PNISR: variants seen among roughly 807,000 people sequenced by gnomAD.
PNISR encodes PNN interacting serine and arginine rich protein.
A neutral mutation model predicts 93.4 loss-of-function variants in PNISR; 20 were observed. The ratio of observed to expected loss-of-function variants is 0.21; its 90% CI spans 0.15 to 0.31. PNISR has a LOEUF of 0.31. Among genes scored for constraint, PNISR ranks in the 10% least tolerant of loss-of-function variants. The pLI is 1.00. For missense variants in PNISR, 893 were observed against 985.4 expected (o/e 0.91, Z 1.25); for synonymous variants, 305 against 306.5 (o/e 0.99, Z 0.05).
Position 99,399,733 on chromosome 6 carries a change from T to G in PNISR, c.*807A>C, listed in dbSNP as rs1012505436. 1.3e-5 allele frequency: 2 copies of G among 152,160 alleles called. No individual in the cohort carries two copies. The highest frequency in any genetic ancestry group is 4.8e-5 in the African/African-American group (2 of 41,448). 9.4% of individuals were successfully genotyped at this position (152,160 alleles called of 1,614,324 possible). On this transcript the variant is annotated 3_prime_UTR_variant, in exon 12 of 12. Coordinates refer to ENST00000369239, the MANE Select transcript of PNISR (RefSeq NM_032870.4). ...AAAGTTTAGAAAGTTGTCAAATACT[T>G]CCAAATGAAAAGTAAAGGTCTATTT...
chr6:99,423,879 G>A (rs1012798372), intron 1 of PNISR, among the ~76,000 whole-genome samples: 101 of 152,178 alleles, frequency 6.6e-4, no homozygotes, highest in African/African-American at 2.3e-3. Flanking sequence ...TCCTTGGCTT[G>A]TGGATGGTTG....
chr6:99,404,758 A>G, intron 8 of PNISR, 56 bp from the exon 9 acceptor site: 1 of 857,654 alleles, frequency 1.2e-6, no homozygotes, highest in Non-Finnish European at 1.9e-6. Flanking sequence ...TAATAGTGTG[A>G]CATCTTCAAA....
At chr6:99,403,038 A>G (rs1014519110) in intron 10 of PNISR, 1 of 178,702 alleles carries the variant, frequency 5.6e-6, no homozygotes, top group African/African-American at 2.3e-5. Context: ...CTTAATGATG[A>G]CCCTGAAAGT....
At chr6:99,414,419 C>T (rs1346794976) in intron 3 of PNISR, among the ~76,000 whole-genome samples, 153 bp downstream of exon 3, 1 of 152,192 alleles carries the variant, frequency 6.6e-6, no homozygotes, top group Non-Finnish European at 1.5e-5. Context: ...GCTATATATG[C>T]TATGGCAAGG....
rs1247236084 is a variant in PNISR, at chr6:99,399,344, A to T, written c.*1196T>A. On this transcript the variant is annotated 3_prime_UTR_variant, in exon 12 of 12. Coordinates refer to ENST00000369239, the MANE Select transcript of PNISR (RefSeq NM_032870.4). ...AACTGTTAGACCACTCACTAATCAT[A>T]ATTTTAAGAAACGGACAAAATCAGA... is the stretch of plus-strand genomic sequence containing the variant. The T allele has an allele frequency of 6.6e-6, 1 of 152,144 alleles. No homozygotes were observed. The highest frequency in any genetic ancestry group is 1.5e-5 in the Non-Finnish European group (1 of 67,988). The allele number at this position is 152,144 out of a possible 1,614,324, so 9.4% of individuals were successfully genotyped here. A position where few individuals can be genotyped will look rare whatever the true frequency, so the allele number is the denominator to read the frequency against.
At chr6:99,407,966 G>A (rs938099616) in intron 7 of PNISR, 115 bp downstream of exon 7, 34 of 704,786 alleles carry the variant, frequency 4.8e-5, no homozygotes, top group Middle Eastern at 3.7e-4. Flanking sequence ...CTTAATGAAC[G>A]TAATCTTAGG....
intron 1 of PNISR, among the ~76,000 whole-genome samples, chr6:99,424,420 A>C (rs987000103): frequency 6.6e-6 from 1 of 152,074 alleles, no homozygotes; most frequent in Non-Finnish European, 1.5e-5. Flanking sequence ...TTAAAAAAAA[A>C]AACTCTCAAG....
At chr6:99,412,299 T>A in intron 4 of PNISR, 1 of 611,412 alleles carries the variant, frequency 1.6e-6, no homozygotes, top group South Asian at 1.5e-5. Context: ...GTTTCCAGAG[T>A]GTTCCCAGCC....
At position 99,420,297 on chromosome 6, in the gene PNISR, C is replaced by T. The variant is rs183414618; in HGVS notation, c.-111-3869G>A. 1.7e-3 allele frequency among the ~76,000 whole-genome samples: 261 copies of T among 152,206 alleles called. 1 individual carries two copies. The highest frequency in any genetic ancestry group is 6.0e-3 in the African/African-American group (251 of 41,512). The stretch of plus-strand genomic sequence containing the variant: ...TTAGAGTAAATTTTGATAATCTTAT[C>T]CAAAACAGGTAACTCTGGTCATGAA... On this transcript the variant is annotated intron_variant, in intron 1 of 11. Coordinates refer to ENST00000369239, the MANE Select transcript of PNISR (RefSeq NM_032870.4).
At chr6:99,405,211 T>C (rs1308011510) in intron 8 of PNISR, among the ~76,000 whole-genome samples, 1 of 151,802 alleles carries the variant, frequency 6.6e-6, no homozygotes, top group Non-Finnish European at 1.5e-5. Context: ...ACACCTGTAA[T>C]CCCAGCACTT....
At position 99,401,579 on chromosome 6, in the gene PNISR, T is replaced by A; in HGVS notation, c.1379A>T (p.His460Leu). 2 of 1,579,128 alleles carry A rather than the reference T, an allele frequency of 1.3e-6. No individual in the cohort carries two copies. The highest frequency in any genetic ancestry group is 1.7e-6 in the Non-Finnish European group (2 of 1,169,618). The change falls in exon 12 of 12, where the codon CAT becomes CTT. Residue 460 changes from histidine to leucine, a missense_variant. This residue lies in a region of PNISR where 866 missense variants were observed against 935.1 expected (regional missense o/e 0.93). Coordinates refer to ENST00000369239, the MANE Select transcript of PNISR (RefSeq NM_032870.4). Reference sequence around the variant, plus strand: ...TAGTGATAAACTATTTTGCTCTTTATGGATAAATTCATTCATCTCTTTTGT... The same window carrying A: ...TAGTGATAAACTATTTTGCTCTTTAAGGATAAATTCATTCATCTCTTTTGT... Reference protein sequence around the residue: ...RVTKEMNEFIHKEQNSLSLLE... With the variant: ...RVTKEMNEFILKEQNSLSLLE...
In PNISR at chr6:99,404,749, A is replaced by AAT. The variant is rs750632478; in HGVS notation, c.1003-49_1003-48dup. 2.4e-5 allele frequency: 22 copies of AAT among 924,600 alleles called. No individual in the cohort carries two copies. In the African/African-American group the frequency reaches 3.3e-4, roughly 14 times the overall value. The allele number at this position is 924,600 out of a possible 1,614,324, so 57.3% of individuals were successfully genotyped here. On this transcript the variant is annotated intron_variant, in intron 8 of 11. Transcript: ENST00000369239. ...AGTATTTCTAATTATTATAGCTACTAATAGTGTGACATCTTCAAAAATATT... is the reference window on the plus strand; with the variant it reads ...AGTATTTCTAATTATTATAGCTACTAATATAGTGTGACATCTTCAAAAATATT...
intron 7 of PNISR, among the ~76,000 whole-genome samples, chr6:99,406,717 T>C (rs1450334643): frequency 6.6e-6 from 1 of 152,118 alleles, no homozygotes; most frequent in Admixed American, 6.6e-5. Flanking sequence ...AAAAATGAGG[T>C]CTACTTCAGA....
At chr6:99,413,831 GGCAATGTGCAC>G (rs1777304754) in intron 3 of PNISR, among the ~76,000 whole-genome samples, 1 of 152,070 alleles carries the variant, frequency 6.6e-6, no homozygotes, top group East Asian at 1.9e-4. Context: ...GGTTACACAT[GGCAATGTGCAC>G]CTGAAATTAC....
At chr6:99,403,955 G>C in intron 9 of PNISR, 73 bp from the exon 10 acceptor site, 5 of 1,056,566 alleles carry the variant, frequency 4.7e-6, no homozygotes, top group Non-Finnish European at 7.3e-6. Context: ...TGAGTCTATG[G>C]TATTGTTAAA....
At position 99,401,338 on chromosome 6, in the gene PNISR, T is replaced by C; in HGVS notation, c.1620A>G (p.Ser540=). The C allele has an allele frequency of 6.2e-7, 1 of 1,614,020 alleles. No homozygotes were observed. The highest frequency in any genetic ancestry group is 8.5e-7 in the Non-Finnish European group (1 of 1,179,906). ...ACCGAGAAGAAGTACGACTACTACC[T>C]GAGCTAGAACTGTATGAAGAGCTAG... The part of the protein sequence containing the change: ...TVSSSSYSSS[S]GSSRTSSRSS... The change falls in exon 12 of 12, where the codon TCA becomes TCG. Residue 540 remains serine, a synonymous_variant. Coordinates refer to ENST00000369239, the MANE Select transcript of PNISR (RefSeq NM_032870.4).
intron 4 of PNISR, 180 bp downstream of exon 4, chr6:99,412,371 G>A: frequency 1.4e-6 from 1 of 696,652 alleles, no homozygotes; most frequent in Non-Finnish European, 2.6e-6. Context: ...AAAGCTAGCA[G>A]AATGAGTACA....
chr6:99,421,570 G>A (rs1778555277), intron 1 of PNISR, among the ~76,000 whole-genome samples: 1 of 152,180 alleles, frequency 6.6e-6, no homozygotes, highest in Admixed American at 6.5e-5. Context: ...GGCTCTATAA[G>A]CCAAGGAACA....
intron 4 of PNISR, among the ~76,000 whole-genome samples, chr6:99,411,421 T>C (rs1776893376): frequency 6.6e-6 from 1 of 152,120 alleles, no homozygotes; most frequent in Non-Finnish European, 1.5e-5. Flanking sequence ...GTAAATCACT[T>C]GCCCAGGGTC....
Sources: allele counts gnomAD v4.1 joint callset (sites outside exome capture counted in the v4.1 genomes callset), GRCh38; gene constraint gnomAD v4.1.1; regional missense constraint gnomAD v4.1.1; transcripts MANE v1.5; gene names NCBI Gene and HGNC (gene_info 2026-07-23, HGNC 2026-07-21).